The following SCHIP1 variants were observed in gnomAD, a reference collection of about 807,000 sequenced individuals.
SCHIP1 encodes schwannomin interacting protein 1.
In SCHIP1, 8 loss-of-function variants were observed where a neutral mutation model predicts 29.7. That is an observed-to-expected ratio of 0.27 (90% confidence interval 0.16 to 0.49). SCHIP1 has a LOEUF of 0.49. SCHIP1 is among the 20% of genes least tolerant of loss of function. The probability of loss-of-function intolerance (pLI) is 0.99; values close to 1 mark genes in which losing one functional copy is unlikely to be tolerated. For missense variants in SCHIP1, 193 were observed against 294.6 expected (o/e 0.66, Z 2.52); for synonymous variants, 76 against 94.9 (o/e 0.80, Z 1.16).
the SCHIP1 span, among the ~76,000 whole-genome samples, chr3:159,615,581 G>A: frequency 1.3e-5 from 2 of 152,192 alleles, no homozygotes; most frequent in Admixed American, 6.5e-5. Flanking sequence ...TTGGCTTGAA[G>A]ATGACCCTTA....
the SCHIP1 span, among the ~76,000 whole-genome samples, chr3:159,464,186 C>CT: frequency 6.6e-6 from 1 of 152,122 alleles, no homozygotes; most frequent in African/African-American, 2.4e-5. Flanking sequence ...GAACCAGCTG[C>CT]TTATATTCTT....
chr3:159,336,906 G>A, the SCHIP1 span, among the ~76,000 whole-genome samples: 2 of 152,176 alleles, frequency 1.3e-5, no homozygotes, highest in Non-Finnish European at 2.9e-5. Flanking sequence ...TGATGGGGAT[G>A]GCATTGAATC....
chr3:159,693,356 T>C, the SCHIP1 span, among the ~76,000 whole-genome samples: 1 of 152,166 alleles, frequency 6.6e-6, no homozygotes, highest in African/African-American at 2.4e-5. Context: ...TATATATATA[T>C]ATGCAAAGAG....
the SCHIP1 span, among the ~76,000 whole-genome samples, chr3:159,311,050 A>G: frequency 6.6e-6 from 1 of 152,140 alleles, no homozygotes; most frequent in Non-Finnish European, 1.5e-5. Flanking sequence ...CATCTTTACT[A>G]GAGCACATTC....
the SCHIP1 span, among the ~76,000 whole-genome samples, chr3:159,549,693 A>G: frequency 6.6e-5 from 10 of 152,232 alleles, no homozygotes; most frequent in African/African-American, 1.7e-4. Flanking sequence ...AAGCCACCCA[A>G]TCTATGGTAT....
At chr3:159,623,937 T>C in the SCHIP1 span, among the ~76,000 whole-genome samples, 1 of 152,150 alleles carries the variant, frequency 6.6e-6, no homozygotes, top group African/African-American at 2.4e-5. Context: ...TCCCACTGCC[T>C]TCCACCTGAG....
the SCHIP1 span, among the ~76,000 whole-genome samples, chr3:159,828,437 ATACG>A: frequency 1.4e-5 from 1 of 68,994 alleles, no homozygotes; most frequent in Non-Finnish European, 2.5e-5. Context: ...ATACGTATAT[ATACG>A]TATATATATA....
the SCHIP1 span, among the ~76,000 whole-genome samples, chr3:159,781,004 A>G: frequency 3.0e-3 from 450 of 152,332 alleles, 1 homozygote; most frequent in African/African-American, 0.01. Context: ...CCTTATGATT[A>G]TTGGGATAAA....
the SCHIP1 span, among the ~76,000 whole-genome samples, chr3:159,618,432 T>A: frequency 1.3e-5 from 2 of 152,204 alleles, no homozygotes; most frequent in South Asian, 2.1e-4. Context: ...CTATTTCATA[T>A]GCTGAACTGT....
the SCHIP1 span, among the ~76,000 whole-genome samples, chr3:159,814,389 ATC>A: frequency 2.1e-3 from 325 of 152,336 alleles, 1 homozygote; most frequent in African/African-American, 7.4e-3. Context: ...CTGCCTGTGA[ATC>A]TCTACCAGAG....
At chr3:159,293,248 A>G in the SCHIP1 span, among the ~76,000 whole-genome samples, 5 of 152,220 alleles carry the variant, frequency 3.3e-5, no homozygotes, top group Non-Finnish European at 1.5e-5. Flanking sequence ...TTGAATATTC[A>G]CTATGTCCTC....
chr3:159,502,056 G>C, the SCHIP1 span, among the ~76,000 whole-genome samples: 2 of 152,168 alleles, frequency 1.3e-5, no homozygotes, highest in Non-Finnish European at 2.9e-5. Flanking sequence ...ACTCGATATA[G>C]AGAAATTTCA....
the SCHIP1 span, among the ~76,000 whole-genome samples, chr3:159,659,281 C>T: frequency 1.3e-5 from 2 of 152,112 alleles, no homozygotes; most frequent in African/African-American, 4.8e-5. Flanking sequence ...TGTGGTGATC[C>T]GACTGATCAT....
chr3:159,362,317 G>C, the SCHIP1 span, among the ~76,000 whole-genome samples: 3 of 152,182 alleles, frequency 2.0e-5, no homozygotes, highest in Non-Finnish European at 2.9e-5. Flanking sequence ...GAAAAGGATG[G>C]TGCAGAATTT....
At chr3:159,570,544 G>A in the SCHIP1 span, among the ~76,000 whole-genome samples, 1 of 152,168 alleles carries the variant, frequency 6.6e-6, no homozygotes. Flanking sequence ...TTTGGTTACT[G>A]TAGCCTTGTA....
the SCHIP1 span, among the ~76,000 whole-genome samples, chr3:159,497,826 A>C: frequency 1.3e-3 from 202 of 152,320 alleles, no homozygotes; most frequent in African/African-American, 4.7e-3. Context: ...AGCAAAATCC[A>C]GAACAAAGCT....
the SCHIP1 span, among the ~76,000 whole-genome samples, chr3:159,283,100 A>G: frequency 6.6e-6 from 1 of 152,198 alleles, no homozygotes; most frequent in African/African-American, 2.4e-5. Context: ...AAATATGCAT[A>G]AGAACACGAA....
the SCHIP1 span, among the ~76,000 whole-genome samples, chr3:159,798,170 A>G: frequency 6.6e-6 from 1 of 152,124 alleles, no homozygotes; most frequent in Admixed American, 6.5e-5. Context: ...TTATATAACA[A>G]TTAGTATTAC....
the SCHIP1 span, among the ~76,000 whole-genome samples, chr3:159,734,300 G>A: frequency 2.6e-3 from 395 of 151,570 alleles, 1 homozygote; most frequent in African/African-American, 8.6e-3. Flanking sequence ...GTGCCACCAT[G>A]CCCAGCTAAT....
Sources: gnomAD v4.1 joint callset for allele counts (sites outside exome capture counted in the v4.1 genomes callset) on GRCh38, gnomAD v4.1.1 for gene constraint, MANE v1.5 for transcripts, NCBI Gene and HGNC (gene_info 2026-07-23, HGNC 2026-07-21) for gene names.